The following NCOA3 variants were observed in gnomAD, a reference collection of about 807,000 sequenced individuals.
NCOA3 encodes CBP-interacting protein.
In NCOA3, 51 loss-of-function variants were observed where a neutral mutation model predicts 158.8. The ratio of observed to expected loss-of-function variants is 0.32; its 90% confidence interval spans 0.26 to 0.41. The LOEUF is 0.41. Ranked by LOEUF, NCOA3 falls within the 10% of genes least tolerant of loss-of-function variation. The pLI, the probability that NCOA3 is intolerant of heterozygous loss-of-function variation, is 1.00. For missense variants in NCOA3, 1,510 were observed against 1,746.6 expected, an observed-to-expected ratio of 0.86 and a Z score of 2.41; for synonymous variants, 537 against 592.4, an observed-to-expected ratio of 0.91 and a Z score of 1.36.
intron 1 of NCOA3, among the ~76,000 whole-genome samples, chr20:47,577,204 C>T (rs1241887629): frequency 6.6e-6 from 1 of 152,148 alleles, no homozygotes; most frequent in Non-Finnish European, 1.5e-5. Context: ...GTTTTAGCTA[C>T]CTTTACCCCA....
chr20:47,634,062 C>T lies in NCOA3; in HGVS notation c.979C>T (p.His327Tyr), dbSNP rs780175917. Residue 327 changes from histidine (H) to tyrosine (Y), a missense_variant, in exon 10 of 23, where the codon CAT (histidine) becomes TAT (tyrosine). By Grantham distance (83) the His-to-Tyr change is moderately conservative (BLOSUM62 2). Coordinates refer to ENST00000371998, the MANE Select transcript of NCOA3 (RefSeq NM_181659.3). ...TTCCCCAACAGCTTATCTTAATGGC[C>T]ATGCAGAAACCCCAGTATATCGATT... The part of the protein sequence containing the change: ...RHYQEAYLNG[H>Y]AETPVYRFSL... 66 of 1,614,050 alleles carry T rather than the reference C, an allele frequency of 4.1e-5. No individual in the cohort carries two copies. Among genetic ancestry groups the T allele is most frequent in the Middle Eastern group, 3.3e-4 (2 of 6,060 alleles).
chr20:47,641,074 C>T (rs556549992), intron 16 of NCOA3, among the ~76,000 whole-genome samples: 3 of 152,220 alleles, frequency 2.0e-5, no homozygotes, highest in Admixed American at 6.5e-5. Flanking sequence ...TTGAGTGCTT[C>T]TCTACTCTAT....
intron 3 of NCOA3, among the ~76,000 whole-genome samples, chr20:47,622,695 G>A (rs1048389996): frequency 3.9e-5 from 6 of 152,172 alleles, no homozygotes; most frequent in Non-Finnish European, 8.8e-5. Context: ...GGCAGGCTGA[G>A]TCCAAAAAGA....
At chr20:47,597,531 T>G (rs551823773) in intron 2 of NCOA3, among the ~76,000 whole-genome samples, 2 of 150,688 alleles carry the variant, frequency 1.3e-5, no homozygotes, top group East Asian at 3.9e-4. Flanking sequence ...CTCTGTCGCC[T>G]AGGCTGGAGT....
At chr20:47,528,785 CT>C (rs1479804267) in intron 1 of NCOA3, among the ~76,000 whole-genome samples, 1 of 151,436 alleles carries the variant, frequency 6.6e-6, no homozygotes, top group Non-Finnish European at 1.5e-5. Context: ...TTTTCTTTTT[CT>C]TTTTGAAACG....
chr20:47,540,751 C>A (rs1441677406), intron 1 of NCOA3, among the ~76,000 whole-genome samples: 1 of 152,030 alleles, frequency 6.6e-6, no homozygotes, highest in Admixed American at 6.6e-5. Flanking sequence ...AATAACATTT[C>A]AGAGAATAAT....
chr20:47,562,870 A>C (rs2085129670), intron 1 of NCOA3, among the ~76,000 whole-genome samples: 1 of 152,160 alleles, frequency 6.6e-6, no homozygotes, highest in Non-Finnish European at 1.5e-5. Flanking sequence ...ATTATGCAGA[A>C]CTTTTAATAA....
chr20:47,546,233 ACT>A (rs1476696039), intron 1 of NCOA3, among the ~76,000 whole-genome samples: 5 of 151,308 alleles, frequency 3.3e-5, no homozygotes, highest in Admixed American at 6.6e-5. Flanking sequence ...AACCTTGACT[ACT>A]CTTTTATCTC....
Position 47,635,395 on chromosome 20 carries a change from A to C in NCOA3, c.1186A>C (p.Ser396Arg). The C allele has an allele frequency of 1.9e-6, 3 of 1,614,178 alleles. No homozygotes were observed. Among genetic ancestry groups the C allele is most frequent in the Non-Finnish European group, 2.5e-6 (3 of 1,179,998 alleles). The change falls in exon 11 of 23, where the codon AGT becomes CGT. Residue 396 changes from serine to arginine, a missense_variant. By Grantham distance (110) the Ser-to-Arg change is moderately radical. Transcript: ENST00000371998. The part of the protein sequence containing the change: ...GIRPPMAGCN[S>R]SVGGMSMSPN... ...TAGACCACCTATGGCTGGATGCAAC[A>C]GTTCGGTAGGCGGCATGAGTATGTC... is the stretch of plus-strand genomic sequence containing the variant.
chr20:47,545,406 A>G (rs1359985545), intron 1 of NCOA3, among the ~76,000 whole-genome samples: 2 of 151,828 alleles, frequency 1.3e-5, no homozygotes. Context: ...CGAATTCCTG[A>G]CCTCAGGTGA....
intron 2 of NCOA3, among the ~76,000 whole-genome samples, chr20:47,605,724 C>A (rs370471222): frequency 1.2e-4 from 18 of 152,212 alleles, no homozygotes; most frequent in African/African-American, 4.1e-4. Flanking sequence ...TATATTTCCC[C>A]TCTGTCATGG....
rs974081697 is a variant in NCOA3 at position 47,655,434 on chromosome 20, A to G, written c.*2017A>G. Reference sequence around the variant, plus strand: ...ATGTCTCTGAAGGTAAGATCATTTAATATCTTTGATATGCTTACGAGTAAG... The same window carrying G: ...ATGTCTCTGAAGGTAAGATCATTTAGTATCTTTGATATGCTTACGAGTAAG... On this transcript the variant is annotated 3_prime_UTR_variant, in exon 23 of 23. Transcript: ENST00000371998. The G allele has an allele frequency of 2.6e-5, 4 of 152,276 alleles. No homozygotes were observed. The highest frequency in any genetic ancestry group is 5.9e-5 in the Non-Finnish European group (4 of 68,040). The allele number at this position is 152,276 out of a possible 1,614,324, so 9.4% of individuals were successfully genotyped here. A position where few individuals can be genotyped will look rare whatever the true frequency, so the allele number is the denominator to read the frequency against.
intron 1 of NCOA3, among the ~76,000 whole-genome samples, chr20:47,558,845 A>G (rs1004465938): frequency 1.0e-4 from 11 of 108,196 alleles, no homozygotes; most frequent in African/African-American, 3.6e-4. Context: ...TTTTTTGGCC[A>G]TATCCACAAC....
intron 10 of NCOA3, among the ~76,000 whole-genome samples, chr20:47,634,980 G>A (rs2086487352): frequency 7.4e-6 from 1 of 135,378 alleles, no homozygotes; most frequent in Non-Finnish European, 1.5e-5. Flanking sequence ...CCAGGCAGGT[G>A]TGCAGTAGTG....
In NCOA3 at chr20:47,635,669, G is replaced by A. The variant is rs375958201; in HGVS notation, c.1460G>A (p.Arg487His). ...AATATCATGATTTCTCCTCGTAATC[G>A]TGGGAGTCCAAAGATAGCCTCACAT... Reference protein sequence around the residue: ...QQNIMISPRNRGSPKIASHQF... With the variant: ...QQNIMISPRNHGSPKIASHQF... Residue 487 changes from arginine (R) to histidine (H), a missense_variant, in exon 11 of 23, where the codon CGT (arginine) becomes CAT (histidine). Physicochemically the swap from Arg to His is conservative, Grantham distance 29. Transcript: ENST00000371998. 1.9e-5 allele frequency: 31 copies of A among 1,613,994 alleles called. No individual in the cohort carries two copies. The highest frequency in any genetic ancestry group is 6.6e-5 in the South Asian group (6 of 91,082).
intron 2 of NCOA3, among the ~76,000 whole-genome samples, chr20:47,603,147 C>G (rs1211141345): frequency 6.6e-6 from 1 of 152,276 alleles, no homozygotes; most frequent in South Asian, 2.1e-4. Context: ...AATTCAAGAC[C>G]ACTACCAAAA....
At position 47,639,606 on chromosome 20, in the gene NCOA3, C is replaced by G; in HGVS notation, c.2737C>G (p.Gln913Glu). 6.2e-7 allele frequency: 1 copy of G among 1,613,752 alleles called. No homozygotes were observed. Among genetic ancestry groups the G allele is most frequent in the South Asian group, 1.1e-5 (1 of 91,068 alleles). ...GCCAAACCGAAATGTGACTGTGACTCAGACTCCTTCCTCAGGAGACTGGGG... is the reference window on the plus strand; with the variant it reads ...GCCAAACCGAAATGTGACTGTGACTGAGACTCCTTCCTCAGGAGACTGGGG... ...GGPNRNVTVT[Q>E]TPSSGDWGLP... is the part of the protein sequence containing the mutation. The change falls in exon 15 of 23, where the codon CAG becomes GAG. Residue 913 changes from glutamine (Q) to glutamate (E), a missense_variant. Physicochemically the swap from Gln to Glu is conservative, Grantham distance 29 (BLOSUM62 2). Coordinates refer to ENST00000371998, the MANE Select transcript of NCOA3 (RefSeq NM_181659.3).
intron 1 of NCOA3, among the ~76,000 whole-genome samples, chr20:47,526,433 G>A (rs572513969): frequency 1.3e-5 from 2 of 152,220 alleles, no homozygotes; most frequent in East Asian, 1.9e-4. Context: ...AGGTTGTAGC[G>A]AGCCGAGATC....
At chr20:47,554,583 A>G (rs1014471643) in intron 1 of NCOA3, among the ~76,000 whole-genome samples, 11 of 138,278 alleles carry the variant, frequency 8.0e-5, no homozygotes, top group Admixed American at 7.0e-4. Flanking sequence ...AAAGAGCCAA[A>G]TCATGAGTGA....
Sources: allele counts gnomAD v4.1 joint callset (sites outside exome capture counted in the v4.1 genomes callset), GRCh38; gene constraint gnomAD v4.1.1; transcripts MANE v1.5; gene names NCBI Gene and HGNC (gene_info 2026-07-23, HGNC 2026-07-21).